Variants in DHX35 observed in about 807,000 individuals in gnomAD.
The protein encoded by DHX35 is DEAH-box helicase 35.
DHX35 carries 84 observed loss-of-function variants against 99.6 expected under a neutral mutation model. That is an observed-to-expected ratio of 0.84 (90% CI 0.71 to 1.01). DHX35 has a LOEUF of 1.01. Among genes scored for constraint, DHX35 ranks in the 50% least tolerant of loss-of-function variants. The pLI is 0.00. For missense variants in DHX35, 852 were observed against 888.5 expected (o/e 0.96, Z 0.52); for synonymous variants, 331 against 316.2 (o/e 1.05, Z -0.50).
Position 38,969,078 on chromosome 20 carries a change from C to T in DHX35, c.41-3C>T, listed in dbSNP as rs1362663823. On this transcript the variant is annotated splice_polypyrimidine_tract_variant and splice_region_variant and intron_variant, in intron 1 of 21. Transcript: ENST00000252011. ...ATCTGAAAAAAAAACATTTCTGCTG[C>T]AGGTACAGAGGGGCCAGGTGTAAGC... is the stretch of plus-strand genomic sequence containing the variant. The T allele has an allele frequency of 2.5e-6, 4 of 1,586,648 alleles. No homozygotes were observed. The Admixed American group carries it at 5.7e-5, about 23-fold the overall frequency.
chr20:39,016,121 G>A (rs975439195), intron 14 of DHX35, among the ~76,000 whole-genome samples: 2 of 152,200 alleles, frequency 1.3e-5, no homozygotes, highest in African/African-American at 4.8e-5. Flanking sequence ...GAGGGCCTCA[G>A]CCTGCTTCCA....
intron 3 of DHX35, among the ~76,000 whole-genome samples, chr20:38,975,334 C>T (rs2086060115): frequency 6.6e-6 from 1 of 152,090 alleles, no homozygotes; most frequent in African/African-American, 2.4e-5. Context: ...TCATTTCTTA[C>T]AGGAAGAAAC....
In DHX35 at chr20:39,010,308, T is replaced by C; in HGVS notation, c.1251T>C (p.Ser417=). 1 of 1,614,162 alleles carries C rather than the reference T, an allele frequency of 6.2e-7. No individual in the cohort carries two copies. Among genetic ancestry groups the C allele is most frequent in the South Asian group, 1.1e-5 (1 of 91,082 alleles). ...AAGCCTTTGACAAGTTGCCTCAGTC[T>C]ACGGTTCCTGAGATGCAGCGTAGTA... is the stretch of plus-strand genomic sequence containing the variant. ...TEEAFDKLPQ[S]TVPEMQRSNL... Residue 417 remains serine (S), a synonymous_variant, in exon 13 of 22, where the codon TCT becomes TCC. Coordinates refer to ENST00000252011, the MANE Select transcript of DHX35 (RefSeq NM_021931.4).
intron 3 of DHX35, among the ~76,000 whole-genome samples, chr20:38,982,624 C>T (rs573833227): frequency 2.6e-5 from 4 of 151,984 alleles, no homozygotes; most frequent in South Asian, 2.1e-4. Context: ...ATCCCTGTTC[C>T]CCTCCCTCCA....
At chr20:39,033,691 T>C (rs1193577111) in intron 20 of DHX35, among the ~76,000 whole-genome samples, 1 of 152,230 alleles carries the variant, frequency 6.6e-6, no homozygotes, top group African/African-American at 2.4e-5. Flanking sequence ...ACCTGAGCCT[T>C]AGAAACATTT....
In DHX35 at chr20:39,001,831, T is replaced by G. The variant is rs751812276; in HGVS notation, c.744T>G (p.Phe248Leu). 19 of 1,611,042 alleles carry G rather than the reference T, an allele frequency of 1.2e-5. No homozygotes were observed. The highest frequency in any genetic ancestry group is 1.5e-5 in the Non-Finnish European group (18 of 1,177,616). The change falls in exon 9 of 22, where the codon TTT becomes TTG. Residue 248 changes from phenylalanine to leucine, a missense_variant. Phe to Leu is a conservative substitution (Grantham distance 22). Transcript: ENST00000252011. The part of the protein sequence containing the change: ...VEGRTFPVDI[F>L]YLQSPVPDYI... Reference sequence around the variant, plus strand: ...GGAGAACATTTCCGGTGGATATCTTTTATCTACAAAGGTTTGATGATGCTT... The same window carrying G: ...GGAGAACATTTCCGGTGGATATCTTGTATCTACAAAGGTTTGATGATGCTT...
chr20:39,006,189 G>T lies in DHX35; in HGVS notation c.1055G>T (p.Ser352Ile). ...TNVAETSITI[S>I]GIVYVIDCGF... ...GTGGCAGAAACCTCTATCACAATCA[G>T]CGGCATTGTGTATGTGATCGACTGT... is the stretch of plus-strand genomic sequence containing the variant. Residue 352 changes from serine (S) to isoleucine (I), a missense_variant, in exon 12 of 22, where the codon AGC (serine) becomes ATC (isoleucine). Transcript: ENST00000252011. 1 of 1,614,170 alleles carries T rather than the reference G, an allele frequency of 6.2e-7. No homozygotes were observed. Among genetic ancestry groups the T allele is most frequent in the Non-Finnish European group, 8.5e-7 (1 of 1,180,020 alleles).
At chr20:38,998,182 T>C (rs990950024) in intron 8 of DHX35, among the ~76,000 whole-genome samples, 2 of 152,268 alleles carry the variant, frequency 1.3e-5, no homozygotes, top group African/African-American at 4.8e-5. Flanking sequence ...TTATTGATCC[T>C]GTATCACGTG....
rs371258464 is a variant in DHX35, at chr20:39,010,307, C to T, written c.1250C>T (p.Ser417Phe). 1 of 1,614,116 alleles carries T rather than the reference C, an allele frequency of 6.2e-7. No individual in the cohort carries two copies. Among genetic ancestry groups the T allele is most frequent in the Non-Finnish European group, 8.5e-7 (1 of 1,180,014 alleles). ...TEEAFDKLPQ[S>F]TVPEMQRSNL... ...GAAGCCTTTGACAAGTTGCCTCAGT[C>T]TACGGTTCCTGAGATGCAGCGTAGT... The change falls in exon 13 of 22, where the codon TCT becomes TTT. Residue 417 changes from serine to phenylalanine, a missense_variant. By Grantham distance (155) the Ser-to-Phe change is radical (BLOSUM62 -2). Coordinates refer to ENST00000252011, the MANE Select transcript of DHX35 (RefSeq NM_021931.4).
In DHX35 at chr20:39,030,732, A is replaced by G. The variant is rs570710414; in HGVS notation, c.1912A>G (p.Ile638Val). Reference protein sequence around the residue: ...RTIRDDHELHIHPASVLYAEK... With the variant: ...RTIRDDHELHVHPASVLYAEK... Reference sequence around the variant, plus strand: ...CATCCGTGATGACCATGAGCTGCACATACACCCTGCGTCAGTCCTCTATGC... The same window carrying G: ...CATCCGTGATGACCATGAGCTGCACGTACACCCTGCGTCAGTCCTCTATGC... The change falls in exon 20 of 22, where the codon ATA becomes GTA. Residue 638 changes from isoleucine to valine, a missense_variant. Ile to Val is a conservative substitution (Grantham distance 29). Transcript: ENST00000252011. The G allele has an allele frequency of 9.9e-6, 16 of 1,614,066 alleles. No individual in the cohort carries two copies. In the East Asian group the frequency reaches 2.0e-4, roughly 20 times the overall value.
chr20:39,031,258 C>T (rs1033418703), intron 20 of DHX35, among the ~76,000 whole-genome samples: 2 of 151,972 alleles, frequency 1.3e-5, no homozygotes, highest in African/African-American at 4.8e-5. Context: ...CGTTCATTTT[C>T]AACCACTGAC....
At chr20:38,989,265 GTTT>G (rs59991063) in intron 5 of DHX35, among the ~76,000 whole-genome samples, 16,074 of 111,658 alleles carry the variant, frequency 0.14, 782 homozygotes, top group East Asian at 0.28. Flanking sequence ...ACCCGGCTAA[GTTT>G]TTTTTTTTTT....
chr20:38,970,784 TTTC>T (rs1293955692), intron 2 of DHX35, among the ~76,000 whole-genome samples: 1 of 152,154 alleles, frequency 6.6e-6, no homozygotes, highest in Non-Finnish European at 1.5e-5. Flanking sequence ...ATTTTGGCCT[TTTC>T]TTGACTATTC....
rs16987727 is a variant in DHX35, at chr20:38,983,403, T to G, written c.268-296T>G. Among the ~76,000 whole-genome samples, 705 of 152,304 alleles carry G rather than the reference T, an allele frequency of 4.6e-3. 8 individuals are homozygous for G. The highest frequency in any genetic ancestry group is 0.016 in the African/African-American group (680 of 41,566). On this transcript the variant is annotated intron_variant, in intron 3 of 21. Coordinates refer to ENST00000252011, the MANE Select transcript of DHX35 (RefSeq NM_021931.4). ...CTGTTTTGAGTGACCTGTGGATAAT[T>G]TTTTGTTCCCTGAGGCATCTGTAGT... is the stretch of plus-strand genomic sequence containing the variant.
chr20:39,028,645 G>A (rs2086996201), intron 19 of DHX35, 146 bp downstream of exon 19: 2 of 863,718 alleles, frequency 2.3e-6, no homozygotes, highest in South Asian at 1.7e-5. Flanking sequence ...TGAGGTTAGC[G>A]ACATAGCTTT....
At chr20:39,013,178 T>C (rs1301704831) in intron 13 of DHX35, among the ~76,000 whole-genome samples, 1 of 152,210 alleles carries the variant, frequency 6.6e-6, no homozygotes, top group Non-Finnish European at 1.5e-5. Flanking sequence ...CTGGTTATTA[T>C]CCCCTGAAAT....
chr20:38,986,681 A>G (rs1217190876), intron 4 of DHX35, among the ~76,000 whole-genome samples: 1 of 152,188 alleles, frequency 6.6e-6, no homozygotes, highest in Non-Finnish European at 1.5e-5. Flanking sequence ...TTGAAATTGG[A>G]ACAGTAACAA....
At chr20:38,972,362 A>G (rs1041921575) in intron 2 of DHX35, among the ~76,000 whole-genome samples, 197 bp from the exon 3 acceptor site, 5 of 152,188 alleles carry the variant, frequency 3.3e-5, no homozygotes, top group African/African-American at 1.2e-4. Context: ...ATGTATTTTG[A>G]TAAGTGTTAA....
At chr20:39,018,642 T>A (rs2086824429) in intron 14 of DHX35, among the ~76,000 whole-genome samples, 162 bp from the exon 15 acceptor site, 1 of 151,942 alleles carries the variant, frequency 6.6e-6, no homozygotes, top group Admixed American at 6.6e-5. Context: ...TCTTTTAAGG[T>A]AATGGCACTC....
Sources: gnomAD v4.1 joint callset for allele counts (sites outside exome capture counted in the v4.1 genomes callset) on GRCh38, gnomAD v4.1.1 for gene constraint, MANE v1.5 for transcripts, NCBI Gene and HGNC (gene_info 2026-07-23, HGNC 2026-07-21) for gene names.